ZBTB47: variants seen among roughly 807,000 people sequenced by gnomAD.
ZBTB47 encodes the protein zinc finger and BTB domain containing 47.
In ZBTB47, 24 loss-of-function variants were observed where a neutral mutation model predicts 56.6. The observed-to-expected ratio is 0.42, with a 90% CI of 0.31 to 0.60. The LOEUF is 0.60. Ranked by LOEUF, ZBTB47 falls within the 20% of genes least tolerant of loss-of-function variation. The pLI, the probability that ZBTB47 is intolerant of heterozygous loss-of-function variation, is 0.14. For missense variants in ZBTB47, 829 were observed against 1,032.6 expected (o/e 0.80, Z 2.70); for synonymous variants, 414 against 418.9 (o/e 0.99, Z 0.14).
At chr3:42,662,031 T>C (rs1710727984) in intron 3 of ZBTB47, among the ~76,000 whole-genome samples, 1 of 152,254 alleles carries the variant, frequency 6.6e-6, no homozygotes, top group Non-Finnish European at 1.5e-5. Context: ...GCTGTGCCTC[T>C]GATTCTTTCT....
rs1244771813 is a variant in ZBTB47, at chr3:42,663,953, C to T, written c.1882+12C>T. On this transcript the variant is annotated intron_variant, in intron 5 of 5. Coordinates refer to ENST00000232974, the MANE Select transcript of ZBTB47 (RefSeq NM_145166.4). The surrounding 1 kb of genome is among the most constrained non-coding windows in gnomAD (Gnocchi z 5.1). Reference sequence around the variant, plus strand: ...GAAGACCCACACAGGTGCGGCTGCCCCTGGGGACGGAGCTCGGTGCCGGGC... The same window carrying T: ...GAAGACCCACACAGGTGCGGCTGCCTCTGGGGACGGAGCTCGGTGCCGGGC... 1.2e-6 allele frequency: 2 copies of T among 1,605,488 alleles called. No individual in the cohort carries two copies. The highest frequency in any genetic ancestry group is 1.1e-5 in the South Asian group (1 of 90,100).
At chr3:42,660,634 G>A (rs903941600) in intron 2 of ZBTB47, among the ~76,000 whole-genome samples, 12 of 152,216 alleles carry the variant, frequency 7.9e-5, no homozygotes, top group African/African-American at 2.7e-4. Context: ...AGGTAGGTGG[G>A]TGCTAATTGC....
intron 3 of ZBTB47, 70 bp from the exon 4 acceptor site, chr3:42,662,942 G>A (rs1407972578): frequency 1.7e-6 from 2 of 1,147,150 alleles, no homozygotes; most frequent in African/African-American, 3.0e-5. Flanking sequence ...CAGGAGGCAG[G>A]GTCTGGGCCC....
Position 42,666,262 on chromosome 3 carries a change from G to A in ZBTB47, c.*1664G>A, listed in dbSNP as rs1029587318. ...AGGGTACAGTGCCAGCAGCTTCCTT[G>A]CCCAATTGATGTTGGAGCTGTAGAC... On this transcript the variant is annotated 3_prime_UTR_variant, in exon 6 of 6. Coordinates refer to ENST00000232974, the MANE Select transcript of ZBTB47 (RefSeq NM_145166.4). Among the ~76,000 whole-genome samples the A allele has an allele frequency of 1.1e-4, 17 of 152,358 alleles. No individual in the cohort carries two copies. Among genetic ancestry groups the A allele is most frequent in the African/African-American group, 4.1e-4 (17 of 41,588 alleles).
In ZBTB47 at chr3:42,653,807, G is replaced by A. The variant is rs368977446; in HGVS notation, c.-158G>A. On this transcript the variant is annotated 5_prime_UTR_variant, in exon 1 of 6. The change abolishes an upstream ATG in the 5' untranslated region. Transcript: ENST00000232974. ...TGGCCCTGGGCCAGTCACCTTAGAT[G>A]ATTTGATCGCTGCGGTTGTAGTCCT... 17 of 152,664 alleles carry A rather than the reference G, an allele frequency of 1.1e-4. No homozygotes were observed. Among genetic ancestry groups the A allele is most frequent in the African/African-American group, 3.6e-4 (15 of 41,598 alleles). The allele number at this position is 152,664 out of a possible 1,614,324, so 9.5% of individuals were successfully genotyped here. A position where few individuals can be genotyped will look rare whatever the true frequency, so the allele number is the denominator to read the frequency against.
Position 42,666,979 on chromosome 3 carries a change from G to T in ZBTB47, c.*2381G>T, listed in dbSNP as rs569777173. ...ACTCTCTTCACTTGGGCCATTGTTGGTGGGGGCTCCTTTCCGGCCAGACCA... is the reference window on the plus strand; with the variant it reads ...ACTCTCTTCACTTGGGCCATTGTTGTTGGGGGCTCCTTTCCGGCCAGACCA... On this transcript the variant is annotated 3_prime_UTR_variant, in exon 6 of 6. Transcript: ENST00000232974. Among the ~76,000 whole-genome samples the T allele has an allele frequency of 1.3e-5, 2 of 152,372 alleles. No individual in the cohort carries two copies. The highest frequency in any genetic ancestry group is 4.1e-4 in the South Asian group (2 of 4,832).
At position 42,654,582 on chromosome 3, in the gene ZBTB47, G is replaced by A. The variant is rs1710613767; in HGVS notation, c.-82+699G>A. The A allele has an allele frequency of 2.9e-6, 2 of 689,974 alleles. No individual in the cohort carries two copies. Among genetic ancestry groups the A allele is most frequent in the Non-Finnish European group, 3.6e-6 (2 of 561,662 alleles). 42.7% of individuals were successfully genotyped at this position (689,974 alleles called of 1,614,324 possible). ...CGCCCCCGGGGGCCATGGTCGCGGGGCCCTGCGCGGGGGCGGCCCCCAGCG... is the reference window on the plus strand; with the variant it reads ...CGCCCCCGGGGGCCATGGTCGCGGGACCCTGCGCGGGGGCGGCCCCCAGCG... On this transcript the variant is annotated intron_variant, in intron 1 of 5. Transcript: ENST00000232974. The surrounding 1 kb of genome is among the most constrained non-coding windows in gnomAD (Gnocchi z 5.0).
rs1396536240 is a variant in ZBTB47 at position 42,659,788 on chromosome 3, T to C, written c.1433T>C (p.Leu478Pro). 1 of 1,612,998 alleles carries C rather than the reference T, an allele frequency of 6.2e-7. No homozygotes were observed. The highest frequency in any genetic ancestry group is 8.5e-7 in the Non-Finnish European group (1 of 1,179,454). The change falls in exon 2 of 6, where the codon CTG becomes CCG. Residue 478 changes from leucine to proline, a missense_variant. By Grantham distance (98) the Leu-to-Pro change is moderately conservative. Transcript: ENST00000232974. ...CGKRFLLESE[L>P]LLHRQTDCER... ...AAGCGCTTCCTGCTGGAGAGCGAGC[T>C]GCTGCTGCACAGGCAGACAGACTGC...
rs1710691143 is a variant in ZBTB47, at chr3:42,659,767, G to A, written c.1412G>A (p.Arg471His). The change falls in exon 2 of 6, where the codon CGC becomes CAC. Residue 471 changes from arginine to histidine, a missense_variant. Physicochemically the swap from Arg to His is conservative, Grantham distance 29. Coordinates refer to ENST00000232974, the MANE Select transcript of ZBTB47 (RefSeq NM_145166.4). ...CAGATCTGCGACCAGTGCGGCAAGCGCTTCCTGCTGGAGAGCGAGCTGCTG... is the reference window on the plus strand; with the variant it reads ...CAGATCTGCGACCAGTGCGGCAAGCACTTCCTGCTGGAGAGCGAGCTGCTG... ...RMQICDQCGK[R>H]FLLESELLLH... 8 of 1,613,744 alleles carry A rather than the reference G, an allele frequency of 5.0e-6. No homozygotes were observed. The highest frequency in any genetic ancestry group is 6.8e-6 in the Non-Finnish European group (8 of 1,179,786).
chr3:42,661,351 G>C (rs1351915544), intron 2 of ZBTB47, 134 bp from the exon 3 acceptor site: 1 of 944,236 alleles, frequency 1.1e-6, no homozygotes, highest in East Asian at 2.5e-5. Flanking sequence ...ATCAGAGCTG[G>C]CTGGCTGTTG....
Position 42,663,679 on chromosome 3 carries a change from G to T in ZBTB47, c.1738-118G>T. ...CTTGCCCTCATGTCCCCATCTCCTT[G>T]CCCAGGAGCCCCTGAGTGTGTCCCT... On this transcript the variant is annotated intron_variant, in intron 4 of 5. Coordinates refer to ENST00000232974, the MANE Select transcript of ZBTB47 (RefSeq NM_145166.4). The surrounding 1 kb of genome is among the most constrained non-coding windows in gnomAD (Gnocchi z 5.1). 7.5e-7 allele frequency: 1 copy of T among 1,341,630 alleles called. No homozygotes were observed. Among genetic ancestry groups the T allele is most frequent in the Non-Finnish European group, 1.0e-6 (1 of 984,334 alleles). 83.1% of individuals were successfully genotyped at this position (1,341,630 alleles called of 1,614,324 possible). A position where few individuals can be genotyped will look rare whatever the true frequency, so the allele number is the denominator to read the frequency against.
At chr3:42,655,283 C>G (rs1710627707) in intron 1 of ZBTB47, among the ~76,000 whole-genome samples, 1 of 152,086 alleles carries the variant, frequency 6.6e-6, no homozygotes, top group Admixed American at 6.5e-5. Context: ...CAGTCTGGGC[C>G]CCCCCACTGC....
At position 42,659,159 on chromosome 3, in the gene ZBTB47, G is replaced by A. The variant is rs1468408553; in HGVS notation, c.804G>A (p.Arg268=). The change falls in exon 2 of 6, where the codon CGG becomes CGA. Residue 268 remains arginine, a synonymous_variant. Coordinates refer to ENST00000232974, the MANE Select transcript of ZBTB47 (RefSeq NM_145166.4). ...GPSPATVVLG[R]EDGLQRHSDE... The stretch of plus-strand genomic sequence containing the variant: ...GCCCAGCCACCGTGGTTCTGGGCCG[G>A]GAGGACGGGCTGCAGAGACACTCGG... The A allele has an allele frequency of 1.3e-6, 2 of 1,516,864 alleles. No individual in the cohort carries two copies. 94.0% of individuals were successfully genotyped at this position (1,516,864 alleles called of 1,614,324 possible). A position where few individuals can be genotyped will look rare whatever the true frequency, so the allele number is the denominator to read the frequency against.
At position 42,656,760 on chromosome 3, in the gene ZBTB47, CTG is replaced by C. The variant is rs1710645324; in HGVS notation, c.-81-1514_-81-1513del. On this transcript the variant is annotated intron_variant, in intron 1 of 5. Transcript: ENST00000232974. The surrounding 1 kb of genome is among the most constrained non-coding windows in gnomAD (Gnocchi z 5.8). The stretch of plus-strand genomic sequence containing the variant: ...CACGGTAGGTTTCTCATTCAGGTGA[CTG>C]AGAAGTGGAGCTCAACCACCACCAC... 6.6e-6 allele frequency among the ~76,000 whole-genome samples: 1 copy of C among 152,066 alleles called. No homozygotes were observed. The highest frequency in any genetic ancestry group is 1.5e-5 in the Non-Finnish European group (1 of 67,986).
Position 42,654,782 on chromosome 3 carries a change from A to AG in ZBTB47, c.-82+903dup. On this transcript the variant is annotated intron_variant, in intron 1 of 5. Coordinates refer to ENST00000232974, the MANE Select transcript of ZBTB47 (RefSeq NM_145166.4). The surrounding 1 kb of genome is among the most constrained non-coding windows in gnomAD (Gnocchi z 5.0). ...GCACACGGCCCGCGGGCCCGGGTGG[A>AG]GGGGCTGGAGGGATCTTCCCCCCTC... 1.2e-6 allele frequency: 1 copy of AG among 865,574 alleles called. No homozygotes were observed. Among genetic ancestry groups the AG allele is most frequent in the Non-Finnish European group, 1.4e-6 (1 of 721,194 alleles). The allele number at this position is 865,574 out of a possible 1,614,324, so 53.6% of individuals were successfully genotyped here.
chr3:42,664,022 T>C, intron 5 of ZBTB47, 81 bp downstream of exon 5: 1 of 1,514,040 alleles, frequency 6.6e-7, no homozygotes, highest in Non-Finnish European at 8.9e-7. Flanking sequence ...TGGAATAATC[T>C]TGGCCACACC....
At position 42,664,612 on chromosome 3, in the gene ZBTB47, C is replaced by T; in HGVS notation, c.*14C>T. ...GCCAACAACTAGCTGCCGAGCTGCA[C>T]CCGTGCACCCGCTGGGGCCTGGAGT... On this transcript the variant is annotated 3_prime_UTR_variant, in exon 6 of 6. Coordinates refer to ENST00000232974, the MANE Select transcript of ZBTB47 (RefSeq NM_145166.4). The T allele has an allele frequency of 7.1e-7, 1 of 1,404,120 alleles. No homozygotes were observed. Among genetic ancestry groups the T allele is most frequent in the Non-Finnish European group, 9.2e-7 (1 of 1,092,698 alleles). The allele number at this position is 1,404,120 out of a possible 1,614,324, so 87.0% of individuals were successfully genotyped here.
chr3:42,665,348 C>A lies in ZBTB47; in HGVS notation c.*750C>A, dbSNP rs1457788068. On this transcript the variant is annotated 3_prime_UTR_variant, in exon 6 of 6. Coordinates refer to ENST00000232974, the MANE Select transcript of ZBTB47 (RefSeq NM_145166.4). Reference sequence around the variant, plus strand: ...CCAGGTGGCACCAAGGGTCCTGAGTCCTGGAGATGTCCCCAGAAGCTGCTG... The same window carrying A: ...CCAGGTGGCACCAAGGGTCCTGAGTACTGGAGATGTCCCCAGAAGCTGCTG... 1 of 152,636 alleles carries A rather than the reference C, an allele frequency of 6.6e-6. No homozygotes were observed. The highest frequency in any genetic ancestry group is 6.5e-5 in the Admixed American group (1 of 15,278). The allele number at this position is 152,636 out of a possible 1,614,324, so 9.5% of individuals were successfully genotyped here.
chr3:42,663,081 A>G lies in ZBTB47; in HGVS notation c.1691A>G (p.Lys564Arg), dbSNP rs762195098. 15 of 1,613,794 alleles carry G rather than the reference A, an allele frequency of 9.3e-6. No individual in the cohort carries two copies. The highest frequency in any genetic ancestry group is 6.7e-5 in the African/African-American group (5 of 74,930). The change falls in exon 4 of 6, where the codon AAG (lysine) becomes AGG (arginine). Residue 564 changes from lysine to arginine, a missense_variant. Physicochemically the swap from Lys to Arg is conservative, Grantham distance 26. Transcript: ENST00000232974. This position sits in a 1 kb window ranked among gnomAD's most constrained non-coding sequence, Gnocchi z 5.1. ...TCCTTCAAGCGCAGCATGTCCCTCA[A>G]GGTGCACTCACTGCAGCACTCAGGG... ...GKSFKRSMSLKVHSLQHSGEK... is the reference protein window; with the variant it reads ...GKSFKRSMSLRVHSLQHSGEK...
Sources: allele counts gnomAD v4.1 joint callset (sites outside exome capture counted in the v4.1 genomes callset), GRCh38; gene constraint gnomAD v4.1.1; non-coding constraint Gnocchi (gnomAD v3.1); transcripts MANE v1.5; gene names NCBI Gene and HGNC (gene_info 2026-07-23, HGNC 2026-07-21).